Variants in CCDC15 observed in about 807,000 individuals in gnomAD.
CCDC15 encodes coiled-coil domain-containing protein 15.
Under a neutral mutation model 114.5 loss-of-function variants are expected in CCDC15, and 105 were observed. The ratio of observed to expected loss-of-function variants is 0.92; its 90% CI spans 0.78 to 1.08. The LOEUF (loss-of-function observed/expected upper bound fraction) is 1.08, where lower values mean the gene tolerates loss of function less well. Ranked by LOEUF, CCDC15 falls within the 50% of genes least tolerant of loss-of-function variation. CCDC15 has a pLI of 0.00. For synonymous variants in CCDC15, 334 were observed against 377.8 expected, an observed-to-expected ratio of 0.88 and a Z score of 1.34; for missense variants, 1,105 against 1,093.6, an observed-to-expected ratio of 1.01 and a Z score of -0.15.
At chr11:125,003,030 G>A (rs1948503505) in intron 11 of CCDC15, among the ~76,000 whole-genome samples, 1 of 151,784 alleles carries the variant, frequency 6.6e-6, no homozygotes, top group Non-Finnish European at 1.5e-5. Flanking sequence ...CATAAACATG[G>A]GATGTCTTTC....
intron 11 of CCDC15, among the ~76,000 whole-genome samples, chr11:124,997,614 T>C (rs1421703267): frequency 6.6e-6 from 1 of 152,098 alleles, no homozygotes; most frequent in Non-Finnish European, 1.5e-5. Flanking sequence ...ATCTTCGTTG[T>C]TATAAGCAAA....
rs1462151919 is a variant in CCDC15, at chr11:125,041,074, G to A, written c.*363G>A. The A allele has an allele frequency of 6.1e-6, 1 of 162,820 alleles. No individual in the cohort carries two copies. The highest frequency in any genetic ancestry group is 1.3e-5 in the Non-Finnish European group (1 of 75,222). The allele number at this position is 162,820 out of a possible 1,614,324, so 10.1% of individuals were successfully genotyped here. A position where few individuals can be genotyped will look rare whatever the true frequency, so the allele number is the denominator to read the frequency against. ...TTTTGAGCTTGACAGTACTGAAAATGTCTGGATGAAGCAGAAAAGAAAGTG... is the reference window on the plus strand; with the variant it reads ...TTTTGAGCTTGACAGTACTGAAAATATCTGGATGAAGCAGAAAAGAAAGTG... On this transcript the variant is annotated 3_prime_UTR_variant, in exon 16 of 16. Transcript: ENST00000344762.
intron 13 of CCDC15, among the ~76,000 whole-genome samples, chr11:125,019,628 G>A (rs1319855393): frequency 1.3e-5 from 2 of 151,902 alleles, no homozygotes; most frequent in African/African-American, 2.4e-5. Context: ...TAAGAGACTT[G>A]ATAGGATTTT....
At chr11:125,029,945 C>A (rs1948726977) in intron 13 of CCDC15, among the ~76,000 whole-genome samples, 1 of 152,124 alleles carries the variant, frequency 6.6e-6, no homozygotes, top group Non-Finnish European at 1.5e-5. Flanking sequence ...GTTGGTCATC[C>A]CAGCCAACAC....
At chr11:125,027,865 C>G (rs780561098) in intron 13 of CCDC15, among the ~76,000 whole-genome samples, 2 of 151,712 alleles carry the variant, frequency 1.3e-5, no homozygotes, top group African/African-American at 4.8e-5. Context: ...TTTATAGTTT[C>G]ACGTCTTAGG....
At chr11:125,022,654 G>T (rs1948669108) in intron 13 of CCDC15, among the ~76,000 whole-genome samples, 1 of 151,902 alleles carries the variant, frequency 6.6e-6, no homozygotes, top group Non-Finnish European at 1.5e-5. Flanking sequence ...AAAATGGAAG[G>T]CTATAATTCC....
chr11:124,996,743 C>T (rs545965608), intron 11 of CCDC15, among the ~76,000 whole-genome samples: 106 of 152,292 alleles, frequency 7.0e-4, no homozygotes, highest in African/African-American at 2.5e-3. Context: ...CACCATTCTA[C>T]TTTCTGTATT....
At chr11:124,979,490 C>A (rs760202179) in intron 6 of CCDC15, among the ~76,000 whole-genome samples, 7 of 152,050 alleles carry the variant, frequency 4.6e-5, no homozygotes, top group African/African-American at 1.2e-4. Flanking sequence ...ATTGTAGAGG[C>A]CTTTCACCTC....
intron 13 of CCDC15, among the ~76,000 whole-genome samples, chr11:125,022,009 TTA>T (rs1948663479): frequency 6.6e-6 from 1 of 151,954 alleles, no homozygotes; most frequent in Non-Finnish European, 1.5e-5. Flanking sequence ...TTCAAGACAC[TTA>T]CTTTACTGGC....
In CCDC15 at chr11:124,993,236, T is replaced by G; in HGVS notation, c.2207T>G (p.Val736Gly). The change falls in exon 11 of 16, where the codon GTG becomes GGG. Residue 736 changes from valine to glycine, a missense_variant. Transcript: ENST00000344762. ...ATTGCAAGAGGAAATACTCCTGGAG[T>G]GCCCTTGGTATGTTTCACACAATAT... ...WEIARGNTPG[V>G]PLAYDRYQSG... 6.3e-7 allele frequency: 1 copy of G among 1,595,380 alleles called. No homozygotes were observed. The highest frequency in any genetic ancestry group is 8.6e-7 in the Non-Finnish European group (1 of 1,165,808).
intron 6 of CCDC15, among the ~76,000 whole-genome samples, chr11:124,985,445 C>G (rs149558553): frequency 3.5e-4 from 54 of 152,282 alleles, no homozygotes; most frequent in African/African-American, 1.3e-3. Context: ...TTTCCACCAG[C>G]AATATGTGAG....
intron 4 of CCDC15, among the ~76,000 whole-genome samples, chr11:124,968,368 G>C (rs187308901): frequency 6.6e-6 from 1 of 152,182 alleles, no homozygotes; most frequent in African/African-American, 2.4e-5. Flanking sequence ...AATGGCGGAC[G>C]CCCCTCCTCC....
intron 4 of CCDC15, among the ~76,000 whole-genome samples, chr11:124,974,706 T>C (rs1293773576): frequency 6.6e-6 from 1 of 152,160 alleles, no homozygotes; most frequent in Non-Finnish European, 1.5e-5. Flanking sequence ...CAATTAAGCA[T>C]ATATGGAGCA....
chr11:124,962,986 T>C (rs921878785), intron 4 of CCDC15, among the ~76,000 whole-genome samples: 12 of 152,238 alleles, frequency 7.9e-5, no homozygotes, highest in African/African-American at 2.9e-4. Context: ...AACTCATCCT[T>C]TTTTATGGCT....
In CCDC15 at chr11:124,987,417, T is replaced by G; in HGVS notation, c.1191T>G (p.Ser397Arg). ...ETQGIMLKAQ[S>R]IELEEGSIVL... The stretch of plus-strand genomic sequence containing the variant: ...AGGGTATTATGCTGAAAGCCCAGAG[T>G]ATTGAGCTAGAAGAAGGGAGTATTG... Residue 397 changes from serine to arginine, a missense_variant, in exon 8 of 16, where the codon AGT (serine) becomes AGG (arginine). Transcript: ENST00000344762. The G allele has an allele frequency of 1.2e-6, 2 of 1,613,906 alleles. No individual in the cohort carries two copies. The highest frequency in any genetic ancestry group is 1.7e-6 in the Non-Finnish European group (2 of 1,179,890).
intron 11 of CCDC15, among the ~76,000 whole-genome samples, chr11:124,998,664 A>C (rs1480835266): frequency 1.3e-5 from 2 of 151,676 alleles, no homozygotes; most frequent in African/African-American, 4.8e-5. Flanking sequence ...CCATCTATCT[A>C]CACTGAAAAC....
Position 125,038,491 on chromosome 11 carries a change from C to T in CCDC15, c.2472C>T (p.Asn824=). 1 of 1,583,470 alleles carries T rather than the reference C, an allele frequency of 6.3e-7. No homozygotes were observed. Among genetic ancestry groups the T allele is most frequent in the Non-Finnish European group, 8.6e-7 (1 of 1,163,734 alleles). Residue 824 remains asparagine, a synonymous_variant, in exon 14 of 16, where the codon AAC becomes AAT. Coordinates refer to ENST00000344762, the MANE Select transcript of CCDC15 (RefSeq NM_025004.3). ...YAAEQRILRM[N]FHEDPYSGEK... ...CAGAGCAGAGGATCCTAAGAATGAA[C>T]TTTCATGAAGATCCATATTCAGGAG...
intron 13 of CCDC15, among the ~76,000 whole-genome samples, chr11:125,010,040 A>G (rs1446117914): frequency 6.6e-6 from 1 of 152,168 alleles, no homozygotes; most frequent in Non-Finnish European, 1.5e-5. Context: ...TGGTAGTTCT[A>G]AGTTCTTTGA....
Position 124,991,516 on chromosome 11 carries a change from A to T in CCDC15, c.1964A>T (p.Asp655Val). The T allele has an allele frequency of 6.2e-7, 1 of 1,608,656 alleles. No homozygotes were observed. Among genetic ancestry groups the T allele is most frequent in the Non-Finnish European group, 8.5e-7 (1 of 1,175,782 alleles). The change falls in exon 9 of 16, where the codon GAC becomes GTC. Residue 655 changes from aspartate to valine, a missense_variant. Asp to Val is a radical substitution (Grantham distance 152). Transcript: ENST00000344762. The stretch of plus-strand genomic sequence containing the variant: ...ATGACAGATGAGAAAGGGAGAGAAG[A>T]CTTTTCTCTGGCAGACTATCAGTGT... ...SDMTDEKGRE[D>V]FSLADYQCLP...
Sources: allele counts gnomAD v4.1 joint callset (sites outside exome capture counted in the v4.1 genomes callset), GRCh38; gene constraint gnomAD v4.1.1; transcripts MANE v1.5; gene names NCBI Gene and HGNC (gene_info 2026-07-23, HGNC 2026-07-21).